The following SENP6 variants were observed in gnomAD, a reference collection of about 807,000 sequenced individuals.
SENP6 encodes the protein SUMO specific peptidase 6, also known as sentrin-specific protease 6.
In SENP6, 41 loss-of-function variants were observed where a neutral mutation model predicts 134.5. That is an observed-to-expected ratio of 0.30 (90% CI 0.24 to 0.40). The LOEUF (loss-of-function observed/expected upper bound fraction) is 0.40, where lower values mean the gene tolerates loss of function less well. SENP6 is among the 10% of genes least tolerant of loss of function. The pLI is 1.00. For synonymous variants in SENP6, 395 were observed against 429.8 expected (o/e 0.92, Z 1.00); for missense variants, 1,248 against 1,312.5 (o/e 0.95, Z 0.76).
At chr6:75,625,772 G>T (rs1456976498) in intron 3 of SENP6, among the ~76,000 whole-genome samples, 1 of 152,178 alleles carries the variant, frequency 6.6e-6, no homozygotes, top group African/African-American at 2.4e-5. Flanking sequence ...GGGAGGCTGA[G>T]GAAGGAGAAT....
intron 10 of SENP6, among the ~76,000 whole-genome samples, chr6:75,669,472 A>T (rs956113637): frequency 6.6e-6 from 1 of 152,140 alleles, no homozygotes; most frequent in South Asian, 2.1e-4. Flanking sequence ...TTCCTGTGAC[A>T]TAGATGGTAG....
chr6:75,619,585 A>T (rs1409290719), intron 1 of SENP6, among the ~76,000 whole-genome samples: 1 of 152,070 alleles, frequency 6.6e-6, no homozygotes, highest in Non-Finnish European at 1.5e-5. Context: ...TTGGCATACA[A>T]GTGTCTGTTT....
chr6:75,640,886 A>G (rs1356542698), intron 6 of SENP6, among the ~76,000 whole-genome samples, 182 bp downstream of exon 6: 1 of 152,200 alleles, frequency 6.6e-6, no homozygotes, highest in African/African-American at 2.4e-5. Flanking sequence ...ATATCAATAC[A>G]GGTATACAAT....
In SENP6 at chr6:75,702,979, A is replaced by G. The variant is rs752144689; in HGVS notation, c.2623A>G (p.Asn875Asp). ...TACTGCGAGTGAAAATGAAGAATTC[A>G]ATAAAGGAGAATCTACATCCCAGAA... Reference protein sequence around the residue: ...NHTASENEEFNKGESTSQKVA... With the variant: ...NHTASENEEFDKGESTSQKVA... The change falls in exon 19 of 24, where the codon AAT becomes GAT. Residue 875 changes from asparagine to aspartate, a missense_variant. Physicochemically the swap from Asn to Asp is conservative, Grantham distance 23. Transcript: ENST00000447266. 4.3e-6 allele frequency: 7 copies of G among 1,613,852 alleles called. No homozygotes were observed. The highest frequency in any genetic ancestry group is 5.9e-6 in the Non-Finnish European group (7 of 1,179,856).
chr6:75,653,123 C>T (rs926394982), intron 7 of SENP6, among the ~76,000 whole-genome samples: 2 of 152,092 alleles, frequency 1.3e-5, no homozygotes, highest in Non-Finnish European at 2.9e-5. Flanking sequence ...CTCCACCTCC[C>T]GGGTTCAAGC....
chr6:75,638,052 C>T (rs946540916), intron 5 of SENP6, among the ~76,000 whole-genome samples: 4 of 151,474 alleles, frequency 2.6e-5, no homozygotes, highest in African/African-American at 9.7e-5. Flanking sequence ...AGTAGAGATG[C>T]GGTGTCACTA....
chr6:75,624,705 A>G (rs576964273), intron 3 of SENP6, among the ~76,000 whole-genome samples: 13 of 152,274 alleles, frequency 8.5e-5, no homozygotes, highest in Admixed American at 7.8e-4. Flanking sequence ...CCATTTTTCT[A>G]TCTGGTCTTT....
In SENP6 at chr6:75,702,865, A is replaced by G; in HGVS notation, c.2509A>G (p.Ile837Val). ...MLNKKHCIAVIDSNPGQEESD... is the reference protein window; with the variant it reads ...MLNKKHCIAVVDSNPGQEESD... The stretch of plus-strand genomic sequence containing the variant: ...AAACAAAAAACATTGCATAGCTGTA[A>G]TTGATTCCAATCCTGGGCAGGAAGA... Residue 837 changes from isoleucine to valine, a missense_variant, in exon 19 of 24, where the codon ATT (isoleucine) becomes GTT (valine). Ile to Val is a conservative substitution (Grantham distance 29). Transcript: ENST00000447266. 6.2e-7 allele frequency: 1 copy of G among 1,614,196 alleles called. No individual in the cohort carries two copies. Among genetic ancestry groups the G allele is most frequent in the East Asian group, 2.2e-5 (1 of 44,876 alleles).
chr6:75,649,307 T>A (rs72886856), intron 7 of SENP6, among the ~76,000 whole-genome samples: 4,511 of 152,046 alleles, frequency 0.03, 93 homozygotes, highest in Non-Finnish European at 0.047. Context: ...AGAGTGAGAC[T>A]TGGTCTCAAA....
chr6:75,706,336 A>G, intron 19 of SENP6, among the ~76,000 whole-genome samples: 1 of 152,164 alleles, frequency 6.6e-6, no homozygotes, highest in East Asian at 1.9e-4. Flanking sequence ...ATGGCTGTAT[A>G]TGGTATGTGA....
At chr6:75,679,948 G>A (rs1427891407) in intron 16 of SENP6, 1 of 152,304 alleles carries the variant, frequency 6.6e-6, no homozygotes, top group East Asian at 1.9e-4. Context: ...GTTATAAAGA[G>A]CAAAGTTTTG....
chr6:75,605,365 A>T (rs556598066), intron 1 of SENP6, among the ~76,000 whole-genome samples: 1 of 152,210 alleles, frequency 6.6e-6, no homozygotes, highest in African/African-American at 2.4e-5. Flanking sequence ...GTGAAAGCAT[A>T]TCTCTGTAAT....
At chr6:75,612,026 T>C (rs1767488251) in intron 1 of SENP6, 1 of 152,222 alleles carries the variant, frequency 6.6e-6, no homozygotes, top group Non-Finnish European at 1.5e-5. Context: ...TAGTTTGTCT[T>C]CTATACCAAG....
At chr6:75,621,501 GAATA>G in intron 1 of SENP6, 27 bp from the exon 2 acceptor site, 1 of 1,258,300 alleles carries the variant, frequency 7.9e-7, no homozygotes, top group Non-Finnish European at 1.2e-6. Flanking sequence ...CTCTATTAAT[GAATA>G]CTTACTGCAG....
At chr6:75,635,738 A>C (rs1013444163) in intron 5 of SENP6, among the ~76,000 whole-genome samples, 7 of 152,274 alleles carry the variant, frequency 4.6e-5, no homozygotes, top group Non-Finnish European at 1.0e-4. Flanking sequence ...TGCAAAGTAT[A>C]CAAGCTCTCT....
At chr6:75,617,352 C>T (rs776029409) in intron 1 of SENP6, among the ~76,000 whole-genome samples, 19 of 134,584 alleles carry the variant, frequency 1.4e-4, no homozygotes, top group African/African-American at 3.6e-4. Flanking sequence ...TGGCTCACTG[C>T]GACCTCCGTC....
rs548973592 is a variant in SENP6 at position 75,672,167 on chromosome 6, G to A, written c.1392+1447G>A. Reference sequence around the variant, plus strand: ...TCAATTAACAAAAATGTCACTGTGTGTCACTTAGCACCTCAAAAATGTTCA... The same window carrying A: ...TCAATTAACAAAAATGTCACTGTGTATCACTTAGCACCTCAAAAATGTTCA... On this transcript the variant is annotated intron_variant, in intron 11 of 23. Transcript: ENST00000447266. Among the ~76,000 whole-genome samples the A allele has an allele frequency of 5.9e-5, 9 of 152,238 alleles. No individual in the cohort carries two copies. The South Asian group carries it at 1.7e-3, about 28-fold the overall frequency.
chr6:75,715,607 C>CT lies in SENP6; in HGVS notation c.*15dup. Reference sequence around the variant, plus strand: ...TATCTCAGATTGACCATTTCTGTTACTTGTCATTTCTACTTTCAGAAACTA... The same window carrying CT: ...TATCTCAGATTGACCATTTCTGTTACTTTGTCATTTCTACTTTCAGAAACTA... On this transcript the variant is annotated 3_prime_UTR_variant, in exon 24 of 24. Transcript: ENST00000447266. 6.3e-7 allele frequency: 1 copy of CT among 1,583,742 alleles called. No homozygotes were observed. The highest frequency in any genetic ancestry group is 1.8e-5 in the Admixed American group (1 of 57,014).
intron 18 of SENP6, 71 bp downstream of exon 18, chr6:75,697,588 A>G: frequency 9.9e-7 from 1 of 1,013,402 alleles, no homozygotes; most frequent in Non-Finnish European, 1.5e-6. Context: ...AATAATGAGT[A>G]TGAGGTGAAG....
Sources: allele counts gnomAD v4.1 joint callset (sites outside exome capture counted in the v4.1 genomes callset), GRCh38; gene constraint gnomAD v4.1.1; transcripts MANE v1.5; gene names NCBI Gene and HGNC (gene_info 2026-07-23, HGNC 2026-07-21).